Variants in ANKRD12 observed in about 807,000 individuals in gnomAD.
ANKRD12 encodes the protein ankyrin repeat domain-containing protein 12.
A neutral mutation model predicts 183.4 loss-of-function variants in ANKRD12; 85 were observed. The ratio of observed to expected loss-of-function variants is 0.46; its 90% CI spans 0.39 to 0.56. ANKRD12 has a LOEUF of 0.56. Ranked by LOEUF, ANKRD12 falls within the 20% of genes least tolerant of loss-of-function variation. The probability of loss-of-function intolerance (pLI) is 0.00; values close to 1 mark genes in which losing one functional copy is unlikely to be tolerated. For missense variants in ANKRD12, 2,405 were observed against 2,357.1 expected (o/e 1.02, Z -0.42); for synonymous variants, 914 against 800.2 (o/e 1.14, Z -2.40).
At chr18:9,173,419 CTTG>C (rs1256634355) in intron 1 of ANKRD12, among the ~76,000 whole-genome samples, 6 of 152,150 alleles carry the variant, frequency 3.9e-5, no homozygotes, top group African/African-American at 9.6e-5. Context: ...TGTTGATACT[CTTG>C]TTGTTGTTTT....
intron 1 of ANKRD12, among the ~76,000 whole-genome samples, chr18:9,138,041 A>G (rs1322176874): frequency 6.6e-6 from 1 of 152,260 alleles, no homozygotes; most frequent in Non-Finnish European, 1.5e-5. Flanking sequence ...AACTAAGGTG[A>G]AGTGTGTTGC....
At chr18:9,239,574 A>T in intron 8 of ANKRD12, 2 of 1,241,954 alleles carry the variant, frequency 1.6e-6, no homozygotes, top group Non-Finnish European at 2.1e-6. Context: ...TCATATAAAG[A>T]TTTTGGAGTT....
chr18:9,173,962 A>T (rs1453458621), intron 1 of ANKRD12, among the ~76,000 whole-genome samples: 1 of 152,246 alleles, frequency 6.6e-6, no homozygotes, highest in Non-Finnish European at 1.5e-5. Context: ...GGCTTGTCCC[A>T]GGGAGAGATC....
intron 4 of ANKRD12, among the ~76,000 whole-genome samples, chr18:9,205,220 A>G (rs531395031): frequency 2.6e-5 from 4 of 151,868 alleles, no homozygotes; most frequent in Admixed American, 1.3e-4. Flanking sequence ...AATAAAGAGT[A>G]AATGTGTTCT....
At chr18:9,262,205 A>G (rs1246733680) in intron 9 of ANKRD12, among the ~76,000 whole-genome samples, 2 of 152,202 alleles carry the variant, frequency 1.3e-5, no homozygotes, top group Non-Finnish European at 2.9e-5. Context: ...ATGGTGTTAC[A>G]TGATTCCTGT....
intron 8 of ANKRD12, among the ~76,000 whole-genome samples, chr18:9,249,087 A>C (rs2038131246): frequency 6.6e-6 from 1 of 152,206 alleles, no homozygotes; most frequent in Admixed American, 6.5e-5. Flanking sequence ...TTAAGCACTT[A>C]CTATGTGCTA....
intron 12 of ANKRD12, 103 bp from the exon 13 acceptor site, chr18:9,280,838 C>CT (rs1295786389): frequency 9.8e-7 from 1 of 1,018,992 alleles, no homozygotes; most frequent in Non-Finnish European, 1.5e-6. Flanking sequence ...TTTTATGCTC[C>CT]TGATGTGTCC....
chr18:9,219,773 G>A (rs1156873957), intron 7 of ANKRD12, among the ~76,000 whole-genome samples: 2 of 148,612 alleles, frequency 1.3e-5, no homozygotes, highest in Admixed American at 6.7e-5. Flanking sequence ...AAAAAAAAAA[G>A]CTTAGGAATC....
intron 7 of ANKRD12, among the ~76,000 whole-genome samples, chr18:9,219,798 C>T (rs1324502234): frequency 2.0e-5 from 3 of 151,266 alleles, no homozygotes; most frequent in African/African-American, 4.9e-5. Flanking sequence ...GTACCAATGA[C>T]CTCTGGAAGT....
intron 10 of ANKRD12, among the ~76,000 whole-genome samples, chr18:9,273,856 T>G (rs2039715451): frequency 6.6e-6 from 1 of 152,180 alleles, no homozygotes; most frequent in Admixed American, 6.6e-5. Context: ...TTTTAAGTGA[T>G]TTTATCTTAC....
intron 8 of ANKRD12, among the ~76,000 whole-genome samples, chr18:9,234,818 A>T (rs1326414178): frequency 1.3e-5 from 2 of 152,108 alleles, no homozygotes; most frequent in Non-Finnish European, 2.9e-5. Flanking sequence ...CACTAGTTTC[A>T]GGGTTGGTAT....
chr18:9,241,867 C>A (rs545773571), intron 8 of ANKRD12, among the ~76,000 whole-genome samples: 2 of 151,174 alleles, frequency 1.3e-5, no homozygotes, highest in Non-Finnish European at 2.9e-5. Flanking sequence ...AGCTCCAAAG[C>A]CCAAGAGTTT....
At chr18:9,170,157 A>T (rs1403297108) in intron 1 of ANKRD12, among the ~76,000 whole-genome samples, 5 of 151,868 alleles carry the variant, frequency 3.3e-5, no homozygotes, top group Non-Finnish European at 7.4e-5. Context: ...TTTTTCCTTC[A>T]TTTCAACTTT....
intron 1 of ANKRD12, among the ~76,000 whole-genome samples, chr18:9,173,628 A>AGG (rs775694472): frequency 2.0e-5 from 1 of 51,254 alleles, no homozygotes. Context: ...GGGGGGGGGT[A>AGG]GGGGGGGCAG....
At chr18:9,157,550 G>GTGT (rs1555707776) in intron 1 of ANKRD12, among the ~76,000 whole-genome samples, 149 of 114,588 alleles carry the variant, frequency 1.3e-3, no homozygotes, top group African/African-American at 5.7e-3. Flanking sequence ...GGTGTGTGTG[G>GTGT]GTGTGTGTGT....
intron 8 of ANKRD12, among the ~76,000 whole-genome samples, chr18:9,225,803 T>G (rs2036672163): frequency 6.6e-6 from 1 of 152,210 alleles, no homozygotes; most frequent in Admixed American, 6.5e-5. Flanking sequence ...TCCCCATACA[T>G]TATTATGAAA....
At position 9,282,863 on chromosome 18, in the gene ANKRD12, A is replaced by C. The variant is rs1038037933; in HGVS notation, c.*1737A>C. 6.6e-6 allele frequency: 1 copy of C among 152,484 alleles called. No individual in the cohort carries two copies. The highest frequency in any genetic ancestry group is 1.5e-5 in the Non-Finnish European group (1 of 67,964). The allele number at this position is 152,484 out of a possible 1,614,324, so 9.4% of individuals were successfully genotyped here. ...CGCAATAAAGCAGCACATGTAAAAA[A>C]AAAATACACAGTGCAAGGACTTTAT... On this transcript the variant is annotated 3_prime_UTR_variant, in exon 13 of 13. Transcript: ENST00000262126.
intron 8 of ANKRD12, among the ~76,000 whole-genome samples, chr18:9,245,903 T>C (rs1315366883): frequency 6.6e-6 from 1 of 152,180 alleles, no homozygotes; most frequent in Non-Finnish European, 1.5e-5. Context: ...TTGGTGTCTT[T>C]TATATACTAG....
At chr18:9,173,496 C>A (rs977350884) in intron 1 of ANKRD12, among the ~76,000 whole-genome samples, 2 of 152,042 alleles carry the variant, frequency 1.3e-5, no homozygotes, top group African/African-American at 4.8e-5. Context: ...TGGGGGATTG[C>A]TGCAGACCCT....
Sources: allele counts gnomAD v4.1 joint callset (sites outside exome capture counted in the v4.1 genomes callset), GRCh38; gene constraint gnomAD v4.1.1; transcripts MANE v1.5; gene names NCBI Gene and HGNC (gene_info 2026-07-23, HGNC 2026-07-21).